Variants in NOS1AP observed in about 807,000 individuals in gnomAD.
The protein encoded by NOS1AP is nitric oxide synthase 1 adaptor protein, also known as carboxyl-terminal PDZ ligand of neuronal nitric oxide synthase protein.
In NOS1AP, 21 loss-of-function variants were observed where a neutral mutation model predicts 56.2. The observed-to-expected ratio is 0.37, with a 90% confidence interval of 0.26 to 0.54. The LOEUF is 0.54. NOS1AP is among the 20% of genes least tolerant of loss of function. NOS1AP has a pLI of 0.84. For synonymous variants in NOS1AP, 270 were observed against 274.6 expected (o/e 0.98, Z 0.17); for missense variants, 522 against 657.8 (o/e 0.79, Z 2.26).
intron 2 of NOS1AP, among the ~76,000 whole-genome samples, chr1:162,159,900 C>G (rs967299451): frequency 2.6e-5 from 4 of 152,158 alleles, no homozygotes; most frequent in Non-Finnish European, 5.9e-5. Context: ...CAGTGCCCAG[C>G]TCCAGCATGT....
chr1:162,253,168 G>C (rs1274838560), intron 2 of NOS1AP, among the ~76,000 whole-genome samples: 4 of 152,160 alleles, frequency 2.6e-5, no homozygotes, highest in Admixed American at 2.6e-4. Flanking sequence ...AAAAGGGCGA[G>C]TTTGGCCTCC....
intron 2 of NOS1AP, among the ~76,000 whole-genome samples, chr1:162,159,844 G>A (rs1650126956): frequency 6.6e-6 from 1 of 152,182 alleles, no homozygotes; most frequent in African/African-American, 2.4e-5. Context: ...GACTTGACGG[G>A]TTCTATAGCT....
At chr1:162,255,570 A>G (rs981746725) in intron 2 of NOS1AP, among the ~76,000 whole-genome samples, 70 of 127,592 alleles carry the variant, frequency 5.5e-4, no homozygotes, top group African/African-American at 2.1e-3. Context: ...ACATTCTCCA[A>G]TTTCCTCTCT....
At chr1:162,334,482 G>A (rs1444155730) in intron 5 of NOS1AP, among the ~76,000 whole-genome samples, 1 of 152,202 alleles carries the variant, frequency 6.6e-6, no homozygotes, top group Non-Finnish European at 1.5e-5. Context: ...TTTAGAGTTT[G>A]GGAAAGTGAA....
intron 2 of NOS1AP, among the ~76,000 whole-genome samples, chr1:162,256,099 G>A (rs868108291): frequency 1.6e-4 from 24 of 152,026 alleles, no homozygotes; most frequent in African/African-American, 3.9e-4. Context: ...AGCCAAGATC[G>A]CGCCACTGCA....
At chr1:162,275,986 T>G (rs1457329631) in intron 2 of NOS1AP, among the ~76,000 whole-genome samples, 2 of 152,188 alleles carry the variant, frequency 1.3e-5, no homozygotes, top group Non-Finnish European at 2.9e-5. Flanking sequence ...AAATAAAGCT[T>G]TATTGGAACA....
intron 4 of NOS1AP, among the ~76,000 whole-genome samples, chr1:162,304,780 C>CTGTGTG (rs3055849): frequency 0.045 from 6,526 of 146,126 alleles, 163 homozygotes; most frequent in Non-Finnish European, 0.058. Context: ...ATTTTTATAT[C>CTGTGTG]TGTGTGTGTG....
chr1:162,145,793 T>C (rs1649437672), intron 1 of NOS1AP, among the ~76,000 whole-genome samples: 1 of 152,132 alleles, frequency 6.6e-6, no homozygotes, highest in South Asian at 2.1e-4. Flanking sequence ...TTCTTTATGC[T>C]TTTGTGTGTT....
At chr1:162,294,313 G>A (rs1021232613) in intron 3 of NOS1AP, among the ~76,000 whole-genome samples, 3 of 152,198 alleles carry the variant, frequency 2.0e-5, no homozygotes, top group Non-Finnish European at 4.4e-5. Flanking sequence ...GTGTCCAGAA[G>A]CCAAAGTTGT....
chr1:162,190,790 C>T (rs912216819), intron 2 of NOS1AP, among the ~76,000 whole-genome samples: 2 of 152,148 alleles, frequency 1.3e-5, no homozygotes, highest in East Asian at 1.9e-4. Flanking sequence ...CTCTAGGACC[C>T]GCTGTTCTGC....
intron 2 of NOS1AP, among the ~76,000 whole-genome samples, chr1:162,199,460 TA>T (rs1484365321): frequency 6.6e-6 from 1 of 152,246 alleles, no homozygotes; most frequent in Admixed American, 6.5e-5. Flanking sequence ...ACTGTGTTTC[TA>T]AAACTTTCTG....
At chr1:162,121,187 T>G (rs1248628920) in intron 1 of NOS1AP, among the ~76,000 whole-genome samples, 3 of 151,702 alleles carry the variant, frequency 2.0e-5, no homozygotes, top group Non-Finnish European at 4.4e-5. Flanking sequence ...GTTTTTTTTT[T>G]GGAGACAAAA....
chr1:162,197,888 C>T (rs560673119), intron 2 of NOS1AP, among the ~76,000 whole-genome samples: 1 of 152,242 alleles, frequency 6.6e-6, no homozygotes, highest in African/African-American at 2.4e-5. Flanking sequence ...AACTGGTGTT[C>T]CCCGCTGGCC....
At chr1:162,224,299 T>C (rs1446460847) in intron 2 of NOS1AP, among the ~76,000 whole-genome samples, 3 of 152,226 alleles carry the variant, frequency 2.0e-5, no homozygotes, top group Non-Finnish European at 4.4e-5. Context: ...AAGGCACTTA[T>C]TTTTTCCAGG....
At chr1:162,075,571 C>G (rs1036376909) in intron 1 of NOS1AP, among the ~76,000 whole-genome samples, 1 of 152,204 alleles carries the variant, frequency 6.6e-6, no homozygotes, top group Admixed American at 6.5e-5. Context: ...CAGAACCATT[C>G]CACTATACAC....
At chr1:162,106,276 G>A (rs566285770) in intron 1 of NOS1AP, among the ~76,000 whole-genome samples, 45 of 152,310 alleles carry the variant, frequency 3.0e-4, no homozygotes, top group African/African-American at 1.1e-3. Flanking sequence ...GCCCCATCCT[G>A]CTTCTCTTTG....
rs983187057 is a variant in NOS1AP at position 162,127,695 on chromosome 1, A to G, written c.106-26710A>G. ...AGGCTGGATCAGAAGCAATAGAGAG[A>G]CGAAGGTGCCACACACTTTTAAATG... On this transcript the variant is annotated intron_variant, in intron 1 of 9. Coordinates refer to ENST00000361897, the MANE Select transcript of NOS1AP (RefSeq NM_014697.3). Among the ~76,000 whole-genome samples, 4 of 152,292 alleles carry G rather than the reference A, an allele frequency of 2.6e-5. No homozygotes were observed. In the South Asian group the frequency reaches 8.3e-4, roughly 32 times the overall value.
At chr1:162,074,865 C>G (rs1223105751) in intron 1 of NOS1AP, among the ~76,000 whole-genome samples, 4 of 152,164 alleles carry the variant, frequency 2.6e-5, no homozygotes, top group Non-Finnish European at 5.9e-5. Flanking sequence ...CTTGGATTTC[C>G]TCACAGCATG....
rs766896714 is a variant in NOS1AP, at chr1:162,271,132, G to A, written c.178-16212G>A. Among the ~76,000 whole-genome samples the A allele has an allele frequency of 4.6e-5, 7 of 152,094 alleles. 1 individual carries two copies. Among genetic ancestry groups the A allele is most frequent in the South Asian group, 2.1e-4 (1 of 4,822 alleles). On this transcript the variant is annotated intron_variant, in intron 2 of 9. Coordinates refer to ENST00000361897, the MANE Select transcript of NOS1AP (RefSeq NM_014697.3). ...TATAATGTTTCAGGAAGGCTTAAAT[G>A]GTCGTGGGGGGTGTGCGTGCAGTTT...
Sources: allele counts gnomAD v4.1 joint callset (sites outside exome capture counted in the v4.1 genomes callset), GRCh38; gene constraint gnomAD v4.1.1; transcripts MANE v1.5; gene names NCBI Gene and HGNC (gene_info 2026-07-23, HGNC 2026-07-21).